Variants in TMEM108 observed in about 807,000 individuals in gnomAD.
TMEM108 encodes transmembrane protein 108, also known as cancer/testis antigen 124.
Under a neutral mutation model 35.1 loss-of-function variants are expected in TMEM108, and 12 were observed. The observed-to-expected ratio is 0.34, with a 90% confidence interval of 0.22 to 0.55. The LOEUF (loss-of-function observed/expected upper bound fraction) is 0.55, where lower values mean the gene tolerates loss of function less well. Ranked by LOEUF, TMEM108 falls within the 20% of genes least tolerant of loss-of-function variation. The pLI is 0.89. For synonymous variants in TMEM108, 287 were observed against 308.6 expected, an observed-to-expected ratio of 0.93 and a Z score of 0.73; for missense variants, 680 against 753.3, an observed-to-expected ratio of 0.90 and a Z score of 1.14.
intron 2 of TMEM108, among the ~76,000 whole-genome samples, chr3:133,184,492 G>T (rs1439092139): frequency 6.6e-6 from 1 of 152,104 alleles, no homozygotes; most frequent in Non-Finnish European, 1.5e-5. Context: ...AAATTTGAGT[G>T]CAGAATCTTA....
chr3:133,334,730 A>C (rs996112008), intron 3 of TMEM108, among the ~76,000 whole-genome samples: 21 of 152,214 alleles, frequency 1.4e-4, no homozygotes, highest in African/African-American at 4.6e-4. Flanking sequence ...TAAATAGTTA[A>C]ATAGTTAAAG....
In TMEM108 at chr3:133,193,560, A is replaced by C. The variant is rs188243303; in HGVS notation, c.-46-35706A>C. On this transcript the variant is annotated intron_variant, in intron 2 of 5. Transcript: ENST00000321871. ...CTAAACTTTCTTAGCACTCCAAAAA[A>C]ATAAGATTGCCGATACCTATTTTAT... is the stretch of plus-strand genomic sequence containing the variant. Among the ~76,000 whole-genome samples, 121 of 152,292 alleles carry C rather than the reference A, an allele frequency of 7.9e-4. 1 individual carries two copies. In the Middle Eastern group the frequency reaches 0.01, roughly 13 times the overall value.
intron 1 of TMEM108, 76 bp from the exon 2 acceptor site, chr3:133,045,826 C>T (rs531604229): frequency 6.6e-6 from 1 of 152,634 alleles, no homozygotes; most frequent in African/African-American, 2.4e-5. Context: ...AGTCTACTCT[C>T]ATATTCACTT....
chr3:133,143,571 A>G (rs1161789292), intron 2 of TMEM108, among the ~76,000 whole-genome samples: 1 of 152,178 alleles, frequency 6.6e-6, no homozygotes, highest in Non-Finnish European at 1.5e-5. Flanking sequence ...ATTGCCTTGT[A>G]TGGCGAAAAG....
intron 3 of TMEM108, among the ~76,000 whole-genome samples, chr3:133,313,363 A>T (rs898964631): frequency 4.0e-5 from 6 of 151,788 alleles, no homozygotes; most frequent in African/African-American, 1.5e-4. Context: ...ACGCCTGGCT[A>T]ATTCTTTGTA....
chr3:133,352,582 G>C (rs746746181), intron 3 of TMEM108, among the ~76,000 whole-genome samples: 2 of 152,134 alleles, frequency 1.3e-5, no homozygotes, highest in African/African-American at 4.8e-5. Flanking sequence ...CCCCTTCCTC[G>C]GGTTTAATAA....
intron 3 of TMEM108, among the ~76,000 whole-genome samples, chr3:133,338,952 T>C (rs1368502915): frequency 1.3e-5 from 2 of 151,626 alleles, no homozygotes; most frequent in African/African-American, 2.4e-5. Context: ...AAAAAGCTAA[T>C]GGATACACAA....
intron 2 of TMEM108, among the ~76,000 whole-genome samples, chr3:133,089,987 C>A (rs922392343): frequency 6.6e-6 from 1 of 152,144 alleles, no homozygotes. Context: ...AGTTCTTACT[C>A]TGTCAGCCCT....
intron 2 of TMEM108, among the ~76,000 whole-genome samples, chr3:133,185,753 A>G (rs1184733614): frequency 7.1e-6 from 1 of 141,562 alleles, no homozygotes; most frequent in Non-Finnish European, 1.5e-5. Flanking sequence ...TGAATTGGGG[A>G]CCTTGCGTTT....
intron 2 of TMEM108, among the ~76,000 whole-genome samples, chr3:133,088,081 A>AT (rs564873908): frequency 3.1e-3 from 467 of 152,320 alleles, no homozygotes; most frequent in African/African-American, 0.011. Context: ...GGGCCGAAAC[A>AT]TTTTAGCCTG....
chr3:133,228,259 A>T (rs1946103343), intron 2 of TMEM108, among the ~76,000 whole-genome samples: 1 of 152,204 alleles, frequency 6.6e-6, no homozygotes, highest in Non-Finnish European at 1.5e-5. Context: ...AAAACCTGGC[A>T]TGCTAGTAGA....
At chr3:133,143,450 A>G (rs1237895502) in intron 2 of TMEM108, among the ~76,000 whole-genome samples, 1 of 152,016 alleles carries the variant, frequency 6.6e-6, no homozygotes, top group Non-Finnish European at 1.5e-5. Flanking sequence ...TTATGTTTGT[A>G]TAGGTCATTT....
At chr3:133,148,993 T>A (rs993565557) in intron 2 of TMEM108, among the ~76,000 whole-genome samples, 3 of 152,098 alleles carry the variant, frequency 2.0e-5, no homozygotes, top group Non-Finnish European at 2.9e-5. Context: ...GGAGACCCTG[T>A]CTCAAACAAA....
intron 2 of TMEM108, among the ~76,000 whole-genome samples, chr3:133,203,956 C>A (rs1022882117): frequency 1.3e-5 from 2 of 152,128 alleles, no homozygotes; most frequent in Admixed American, 1.3e-4. Context: ...CTATTAATTA[C>A]TACCTCAGTT....
At chr3:133,135,157 GT>G (rs77437437) in intron 2 of TMEM108, among the ~76,000 whole-genome samples, 14,207 of 142,616 alleles carry the variant, frequency 0.1, 796 homozygotes, top group Admixed American at 0.17. Flanking sequence ...ATCTGCTATC[GT>G]TTTTTTTTTT....
intron 3 of TMEM108, among the ~76,000 whole-genome samples, chr3:133,361,594 TGAA>T: frequency 6.6e-6 from 1 of 152,174 alleles, no homozygotes; most frequent in Non-Finnish European, 1.5e-5. Context: ...TCAGCTGGGC[TGAA>T]ATCACCTGAA....
intron 2 of TMEM108, among the ~76,000 whole-genome samples, chr3:133,188,203 C>G (rs1464551129): frequency 1.3e-5 from 2 of 152,138 alleles, no homozygotes; most frequent in African/African-American, 4.8e-5. Context: ...GAAACCTTTC[C>G]CATCGAACCA....
intron 2 of TMEM108, among the ~76,000 whole-genome samples, chr3:133,156,542 A>C (rs1187518378): frequency 6.6e-6 from 1 of 152,220 alleles, no homozygotes; most frequent in Non-Finnish European, 1.5e-5. Flanking sequence ...CAAGTCACTT[A>C]ATCTCTCTGA....
chr3:133,238,559 C>A (rs754154869), intron 3 of TMEM108, among the ~76,000 whole-genome samples: 36 of 152,308 alleles, frequency 2.4e-4, no homozygotes, highest in Admixed American at 7.2e-4. Flanking sequence ...ACTAAATTCT[C>A]CTTTAGTATC....
Sources: gnomAD v4.1 joint callset for allele counts (sites outside exome capture counted in the v4.1 genomes callset) on GRCh38, gnomAD v4.1.1 for gene constraint, MANE v1.5 for transcripts, NCBI Gene and HGNC (gene_info 2026-07-23, HGNC 2026-07-21) for gene names.